The following DMXL1 variants were observed in gnomAD, a reference collection of about 807,000 sequenced individuals.
DMXL1 encodes dmX-like protein 1.
Under a neutral mutation model 319.2 loss-of-function variants are expected in DMXL1, and 99 were observed. The ratio of observed to expected loss-of-function variants is 0.31; its 90% CI spans 0.26 to 0.37. The LOEUF (loss-of-function observed/expected upper bound fraction) is 0.37. Ranked by LOEUF, DMXL1 falls within the 10% of genes least tolerant of loss-of-function variation. DMXL1 has a pLI of 1.00. For synonymous variants in DMXL1, 1,385 were observed against 1,235.2 expected (o/e 1.12, Z -2.54); for missense variants, 3,745 against 3,595.6 (o/e 1.04, Z -1.06).
chr5:119,150,521 G>T (rs980495099), intron 18 of DMXL1, 100 bp downstream of exon 18: 24 of 1,292,776 alleles, frequency 1.9e-5, no homozygotes, highest in Admixed American at 1.7e-4. Flanking sequence ...AGGCACAGGG[G>T]CTTATGCCTG....
chr5:119,093,008 G>A (rs1449581901), intron 1 of DMXL1, among the ~76,000 whole-genome samples: 1 of 151,896 alleles, frequency 6.6e-6, no homozygotes, highest in African/African-American at 2.4e-5. Context: ...TTGAATACAG[G>A]CATATCTTGT....
chr5:119,203,205 C>T (rs1781138640), intron 32 of DMXL1, 114 bp from the exon 33 acceptor site: 2 of 645,064 alleles, frequency 3.1e-6, no homozygotes, highest in Non-Finnish European at 2.6e-6. Flanking sequence ...TGCCTCCAGT[C>T]ATACAGTCTG....
intron 1 of DMXL1, among the ~76,000 whole-genome samples, chr5:119,074,133 G>C (rs1435381982): frequency 6.6e-6 from 1 of 152,120 alleles, no homozygotes; most frequent in Non-Finnish European, 1.5e-5. Context: ...TGGTCAGGCT[G>C]GTCTGGAGCT....
chr5:119,127,558 C>T (rs1040825211), intron 9 of DMXL1, among the ~76,000 whole-genome samples: 2 of 152,132 alleles, frequency 1.3e-5, no homozygotes, highest in Non-Finnish European at 2.9e-5. Flanking sequence ...TGTGACTCAG[C>T]CTCCCAAGTA....
intron 1 of DMXL1, among the ~76,000 whole-genome samples, chr5:119,073,215 A>G (rs1750041800): frequency 6.6e-6 from 1 of 152,166 alleles, no homozygotes; most frequent in African/African-American, 2.4e-5. Flanking sequence ...GATTCTAATC[A>G]CCACGGCTGG....
At chr5:119,081,731 G>T in intron 1 of DMXL1, 1 of 985,102 alleles carries the variant, frequency 1.0e-6, no homozygotes, top group Non-Finnish European at 1.2e-6. Flanking sequence ...TTTAACTAAT[G>T]GGGACAAATT....
chr5:119,210,762 T>C (rs1298957982), intron 34 of DMXL1, among the ~76,000 whole-genome samples: 3 of 146,662 alleles, frequency 2.0e-5, no homozygotes, highest in Middle Eastern at 3.3e-3. Flanking sequence ...CTTTCGTTTT[T>C]TTTTTTTTTT....
chr5:119,217,500 T>A (rs1783890170), intron 35 of DMXL1, among the ~76,000 whole-genome samples: 1 of 152,180 alleles, frequency 6.6e-6, no homozygotes. Flanking sequence ...GGTACTATAG[T>A]CCAAGATTGA....
intron 19 of DMXL1, among the ~76,000 whole-genome samples, chr5:119,164,042 C>G (rs1772876635): frequency 6.6e-6 from 1 of 151,718 alleles, no homozygotes. Context: ...CATTATGATT[C>G]TGGAGTCTTT....
At chr5:119,190,394 A>G (rs1354158179) in intron 29 of DMXL1, among the ~76,000 whole-genome samples, 1 of 152,200 alleles carries the variant, frequency 6.6e-6, no homozygotes, top group Admixed American at 6.5e-5. Context: ...CATTCTAGAA[A>G]TCACTTCGTA....
chr5:119,219,688 C>T (rs1005722370), intron 35 of DMXL1, among the ~76,000 whole-genome samples: 3 of 152,056 alleles, frequency 2.0e-5, no homozygotes, highest in African/African-American at 4.8e-5. Context: ...TCACCTCATT[C>T]TCCCAAGTAG....
At chr5:119,084,988 A>C (rs1753038601) in intron 1 of DMXL1, among the ~76,000 whole-genome samples, 1 of 151,916 alleles carries the variant, frequency 6.6e-6, no homozygotes, top group Non-Finnish European at 1.5e-5. Context: ...AATTTCTTTC[A>C]TCAGAGTTTT....
chr5:119,124,534 T>C (rs972054258), intron 9 of DMXL1, among the ~76,000 whole-genome samples: 3 of 151,528 alleles, frequency 2.0e-5, no homozygotes, highest in Non-Finnish European at 4.4e-5. Context: ...ATACATATGT[T>C]ACTAGTTCCT....
intron 4 of DMXL1, among the ~76,000 whole-genome samples, chr5:119,106,192 G>T (rs982139929): frequency 1.8e-4 from 28 of 152,280 alleles, no homozygotes; most frequent in African/African-American, 5.8e-4. Context: ...GGCCTCTTCT[G>T]TGGCCCTCTG....
At chr5:119,226,331 G>T (rs184455971) in intron 38 of DMXL1, among the ~76,000 whole-genome samples, 3 of 152,072 alleles carry the variant, frequency 2.0e-5, no homozygotes, top group Non-Finnish European at 2.9e-5. Context: ...AACACTTTTC[G>T]TGTTGTGAAA....
intron 9 of DMXL1, among the ~76,000 whole-genome samples, chr5:119,123,193 C>T (rs1762609740): frequency 6.6e-6 from 1 of 151,920 alleles, no homozygotes; most frequent in African/African-American, 2.4e-5. Flanking sequence ...ATCGCAGGCA[C>T]TCGGCAGGCT....
intron 9 of DMXL1, among the ~76,000 whole-genome samples, chr5:119,121,736 A>C (rs1346363641): frequency 6.6e-6 from 1 of 151,654 alleles, no homozygotes; most frequent in Non-Finnish European, 1.5e-5. Context: ...CCACCTTTCC[A>C]CCCTTTCTGT....
At chr5:119,173,363 A>C (rs1228518057) in intron 25 of DMXL1, among the ~76,000 whole-genome samples, 2 of 151,982 alleles carry the variant, frequency 1.3e-5, no homozygotes, top group Admixed American at 6.6e-5. Flanking sequence ...AAAAAAAAAA[A>C]AAAACTGTCC....
At chr5:119,125,332 T>A (rs552040230) in intron 9 of DMXL1, among the ~76,000 whole-genome samples, 2 of 152,266 alleles carry the variant, frequency 1.3e-5, no homozygotes, top group East Asian at 3.9e-4. Context: ...CTAGGAATGA[T>A]CTATAAATGC....
Sources: allele counts gnomAD v4.1 joint callset (sites outside exome capture counted in the v4.1 genomes callset), GRCh38; gene constraint gnomAD v4.1.1; transcripts MANE v1.5; gene names NCBI Gene and HGNC (gene_info 2026-07-23, HGNC 2026-07-21).